Variants in PDE1A observed in about 807,000 individuals in gnomAD.
PDE1A encodes dual specificity calcium/calmodulin-dependent 3',5'-cyclic nucleotide phosphodiesterase 1A.
Under a neutral mutation model 61.7 loss-of-function variants are expected in PDE1A, and 35 were observed. The observed-to-expected ratio is 0.57, with a 90% confidence interval of 0.43 to 0.75. The LOEUF (loss-of-function observed/expected upper bound fraction) is 0.75. PDE1A is among the 30% of genes least tolerant of loss of function. PDE1A has a pLI of 0.00. For synonymous variants in PDE1A, 232 were observed against 213.2 expected (o/e 1.09, Z -0.77); for missense variants, 597 against 630.6 (o/e 0.95, Z 0.57).
At chr2:182,602,988 CACACACAT>C in the PDE1A span, among the ~76,000 whole-genome samples, 869 of 125,970 alleles carry the variant, frequency 6.9e-3, 7 homozygotes, top group African/African-American at 0.028. Context: ...ACATCACACA[CACACACAT>C]ACATACATAC....
At chr2:182,283,473 T>TATTATA (rs1386520022) in intron 1 of PDE1A, among the ~76,000 whole-genome samples, 1 of 151,936 alleles carries the variant, frequency 6.6e-6, no homozygotes, top group African/African-American at 2.4e-5. Context: ...TTAAATGCTA[T>TATTATA]ATAACACAAA....
At chr2:182,506,581 T>C (rs1689426404) in intron 2 of PDE1A, among the ~76,000 whole-genome samples, 1 of 152,272 alleles carries the variant, frequency 6.6e-6, no homozygotes, top group Non-Finnish European at 1.5e-5. Context: ...GTTTCAGAGC[T>C]TATGAATGTA....
intron 1 of PDE1A, among the ~76,000 whole-genome samples, chr2:182,283,967 G>T (rs570494598): frequency 6.6e-6 from 1 of 152,074 alleles, no homozygotes; most frequent in Non-Finnish European, 1.5e-5. Flanking sequence ...CTAGGAGGTG[G>T]TTTTTTAATA....
chr2:182,476,468 A>G (rs1396317517), intron 2 of PDE1A, among the ~76,000 whole-genome samples: 1 of 151,980 alleles, frequency 6.6e-6, no homozygotes, highest in Non-Finnish European at 1.5e-5. Context: ...AAACCTGGGC[A>G]ACAAAGCGAG....
intron 7 of PDE1A, among the ~76,000 whole-genome samples, chr2:182,206,648 C>T (rs1047541351): frequency 1.2e-4 from 19 of 152,168 alleles, no homozygotes; most frequent in African/African-American, 4.3e-4. Context: ...TAGATGGAAT[C>T]ATACAGTATG....
chr2:182,596,391 T>G, the PDE1A span, among the ~76,000 whole-genome samples: 1 of 151,984 alleles, frequency 6.6e-6, no homozygotes, highest in African/African-American at 2.4e-5. Flanking sequence ...AGACATACCT[T>G]CCCCCAGGGA....
chr2:182,193,647 C>T (rs572250646), intron 10 of PDE1A, among the ~76,000 whole-genome samples: 18 of 152,058 alleles, frequency 1.2e-4, no homozygotes, highest in South Asian at 2.1e-4. Context: ...AAGAACGCCA[C>T]GAAAAACATT....
At chr2:182,534,553 G>C in the PDE1A span, among the ~76,000 whole-genome samples, 1 of 151,484 alleles carries the variant, frequency 6.6e-6, no homozygotes, top group Non-Finnish European at 1.5e-5. Context: ...TATTACTAAT[G>C]AGAATTAATG....
At chr2:182,522,402 TAC>T (rs751046590) in intron 1 of PDE1A, 3 of 1,612,726 alleles carry the variant, frequency 1.9e-6, no homozygotes, top group Admixed American at 1.7e-5. Flanking sequence ...ACAATACAGT[TAC>T]AGTCAGTTTC....
the PDE1A span, among the ~76,000 whole-genome samples, chr2:182,627,060 A>AAATAT: frequency 2.3e-3 from 31 of 13,612 alleles, 6 homozygotes; most frequent in African/African-American, 8.0e-3. Flanking sequence ...TATAAAATAT[A>AAATAT]ATATATTATT....
intron 1 of PDE1A, among the ~76,000 whole-genome samples, chr2:182,300,355 A>G (rs1335609906): frequency 1.3e-5 from 2 of 152,154 alleles, no homozygotes; most frequent in African/African-American, 4.8e-5. Flanking sequence ...TGGCTGATGG[A>G]GCTAGAGTAA....
chr2:182,455,443 C>A (rs79384274), intron 2 of PDE1A, among the ~76,000 whole-genome samples: 25,692 of 151,768 alleles, frequency 0.17, 2,562 homozygotes, highest in Middle Eastern at 0.35. Context: ...TGCTGCTATA[C>A]AGACACATGC....
chr2:182,326,874 A>T (rs527481704), intron 1 of PDE1A, among the ~76,000 whole-genome samples: 267 of 152,324 alleles, frequency 1.8e-3, no homozygotes, highest in African/African-American at 5.6e-3. Flanking sequence ...TTGGTGATTC[A>T]GTCTTTCAAT....
chr2:182,626,302 C>T, the PDE1A span, among the ~76,000 whole-genome samples: 1 of 152,210 alleles, frequency 6.6e-6, no homozygotes, highest in Non-Finnish European at 1.5e-5. Context: ...GAATAACACT[C>T]AATTGAATCT....
chr2:182,685,812 T>C, the PDE1A span, among the ~76,000 whole-genome samples: 4 of 152,234 alleles, frequency 2.6e-5, no homozygotes, highest in Admixed American at 6.5e-5. Context: ...CCCCATCTTA[T>C]GTGTCCAATA....
intron 2 of PDE1A, among the ~76,000 whole-genome samples, chr2:182,474,346 C>T (rs974365152): frequency 1.3e-5 from 2 of 151,840 alleles, no homozygotes; most frequent in Non-Finnish European, 2.9e-5. Context: ...ATGCCTCAGG[C>T]GTCATGTGCA....
At chr2:182,245,435 T>C (rs1047956432) in intron 2 of PDE1A, among the ~76,000 whole-genome samples, 1 of 152,210 alleles carries the variant, frequency 6.6e-6, no homozygotes, top group Non-Finnish European at 1.5e-5. Context: ...ATGACATATG[T>C]CTACCATTAC....
chr2:182,434,695 A>G (rs1327990126), intron 2 of PDE1A, among the ~76,000 whole-genome samples: 1 of 151,998 alleles, frequency 6.6e-6, no homozygotes, highest in Non-Finnish European at 1.5e-5. Context: ...GAATTGTAAA[A>G]TTAACAATAC....
intron 3 of PDE1A, among the ~76,000 whole-genome samples, chr2:182,238,448 G>A (rs1026553075): frequency 2.6e-4 from 40 of 152,098 alleles, no homozygotes; most frequent in African/African-American, 9.2e-4. Flanking sequence ...GGTTGCAGGA[G>A]TGGAGATGAG....
Sources: allele counts gnomAD v4.1 joint callset (sites outside exome capture counted in the v4.1 genomes callset), GRCh38; gene constraint gnomAD v4.1.1; transcripts MANE v1.5; gene names NCBI Gene and HGNC (gene_info 2026-07-23, HGNC 2026-07-21).